The following BICD1 variants were observed in gnomAD, a reference collection of about 807,000 sequenced individuals.
BICD1 encodes BICD cargo adaptor 1.
BICD1 carries 35 observed loss-of-function variants against 92.5 expected under a neutral mutation model. The ratio of observed to expected loss-of-function variants is 0.38; its 90% confidence interval spans 0.29 to 0.50. BICD1 has a LOEUF of 0.50. Among genes scored for constraint, BICD1 ranks in the 20% least tolerant of loss-of-function variants. The probability of loss-of-function intolerance (pLI) is 0.93; values close to 1 mark genes in which losing one functional copy is unlikely to be tolerated. For missense variants in BICD1, 950 were observed against 1,189.8 expected (o/e 0.80, Z 2.97); for synonymous variants, 429 against 465.1 (o/e 0.92, Z 1.00).
intron 1 of BICD1, among the ~76,000 whole-genome samples, chr12:32,112,998 G>A (rs1346983654): frequency 6.6e-6 from 1 of 152,154 alleles, no homozygotes; most frequent in Non-Finnish European, 1.5e-5. Flanking sequence ...GAGAGGTTTA[G>A]GTCTCTTCCC....
chr12:32,242,596 T>C (rs1428736719), intron 2 of BICD1, among the ~76,000 whole-genome samples: 2 of 152,206 alleles, frequency 1.3e-5, no homozygotes, highest in African/African-American at 4.8e-5. Flanking sequence ...TCTTACAAGT[T>C]TATTACCTAA....
intron 3 of BICD1, among the ~76,000 whole-genome samples, chr12:32,298,225 A>G (rs1300349652): frequency 6.6e-6 from 1 of 151,624 alleles, no homozygotes; most frequent in African/African-American, 2.4e-5. Flanking sequence ...ATTCAGTCAC[A>G]CTTCTAATAT....
chr12:32,337,720 C>T lies in BICD1; in HGVS notation c.2474C>T (p.Ala825Val). The change falls in exon 7 of 10, where the codon GCA (alanine) becomes GTA (valine). Residue 825 changes from alanine to valine, a missense_variant. Transcript: ENST00000652176. This position sits in a 1 kb window ranked among gnomAD's most constrained non-coding sequence, Gnocchi z 4.7. ...KIGSPKVSGE[A>V]SVTVPTIDTY... ...GGCAGCCCTAAAGTAAGTGGGGAGG[C>T]ATCAGTCACCGTGCCCACCATAGAC... The T allele has an allele frequency of 6.2e-7, 1 of 1,614,158 alleles. No individual in the cohort carries two copies.
At chr12:32,265,718 T>TA (rs35399036) in intron 2 of BICD1, among the ~76,000 whole-genome samples, 10,533 of 140,736 alleles carry the variant, frequency 0.075, 428 homozygotes, top group Middle Eastern at 0.12. Flanking sequence ...AGATCCTATT[T>TA]AAAAAAAAAA....
intron 2 of BICD1, among the ~76,000 whole-genome samples, chr12:32,269,146 ATT>A (rs202063761): frequency 1.3e-5 from 2 of 149,538 alleles, no homozygotes; most frequent in Admixed American, 1.3e-4. Context: ...CAGCTGCATT[ATT>A]TTTTTTTTAT....
In BICD1 at chr12:32,327,495, T is replaced by C; in HGVS notation, c.1040T>C (p.Leu347Pro). 1 of 1,611,718 alleles carries C rather than the reference T, an allele frequency of 6.2e-7. No homozygotes were observed. The highest frequency in any genetic ancestry group is 8.5e-7 in the Non-Finnish European group (1 of 1,178,688). ...GAAAAGGCCATTCTTTTGGCCAACC[T>C]ACAGGAGTCACAGACACAGCTGGAA... ...EREKAILLANLQESQTQLEHT... is the reference protein window; with the variant it reads ...EREKAILLANPQESQTQLEHT... The change falls in exon 5 of 10, where the codon CTA (leucine) becomes CCA (proline). Residue 347 changes from leucine (L) to proline (P), a missense_variant. Transcript: ENST00000652176.
chr12:32,212,836 T>C (rs1311819538), intron 1 of BICD1, among the ~76,000 whole-genome samples: 2 of 152,248 alleles, frequency 1.3e-5, no homozygotes, highest in Non-Finnish European at 2.9e-5. Context: ...TATGTTCTTA[T>C]ATAACTCTGT....
At chr12:32,212,028 A>G (rs1945229908) in intron 1 of BICD1, among the ~76,000 whole-genome samples, 1 of 152,196 alleles carries the variant, frequency 6.6e-6, no homozygotes, top group Admixed American at 6.5e-5. Context: ...TGACTACTCA[A>G]ATAAGAATTT....
At chr12:32,212,101 T>C (rs1436973831) in intron 1 of BICD1, among the ~76,000 whole-genome samples, 1 of 152,234 alleles carries the variant, frequency 6.6e-6, no homozygotes, top group Admixed American at 6.5e-5. Context: ...CAGATGGACA[T>C]CGATACTGGA....
intron 1 of BICD1, among the ~76,000 whole-genome samples, chr12:32,142,490 T>TATCTATCTATCTATCTATC (rs1259189983): frequency 1.1e-5 from 1 of 90,784 alleles, no homozygotes; most frequent in Non-Finnish European, 2.3e-5. Flanking sequence ...ATCTATCTAT[T>TATCTATCTATCTATCTATC]GGTCTATCTA....
intron 2 of BICD1, among the ~76,000 whole-genome samples, chr12:32,268,198 T>C (rs1461923421): frequency 6.6e-6 from 1 of 152,104 alleles, no homozygotes; most frequent in Non-Finnish European, 1.5e-5. Context: ...TTTGCAAGGG[T>C]TGTTTGTCTT....
rs5797459 is a variant in BICD1, at chr12:32,168,961, TCAAACAAA to T, written c.214-47272_214-47265del. 3.9e-5 allele frequency among the ~76,000 whole-genome samples: 6 copies of T among 151,906 alleles called. 1 individual carries two copies. Among genetic ancestry groups the T allele is most frequent in the African/African-American group, 1.2e-4 (5 of 41,440 alleles). ...TGGGCAACAAGAGCGAAACTTCATC[TCAAACAAA>T]CAAACAAACAAACCCAAAATTGACC... On this transcript the variant is annotated intron_variant, in intron 1 of 9. Coordinates refer to ENST00000652176, the MANE Select transcript of BICD1 (RefSeq NM_001714.4).
intron 1 of BICD1, among the ~76,000 whole-genome samples, chr12:32,177,639 G>C (rs1254653639): frequency 8.0e-6 from 1 of 125,134 alleles, no homozygotes; most frequent in African/African-American, 3.1e-5. Context: ...GAGGTGTAGA[G>C]GGTTGAGTTT....
chr12:32,157,063 C>T (rs1001130564), intron 1 of BICD1, among the ~76,000 whole-genome samples: 3 of 151,916 alleles, frequency 2.0e-5, no homozygotes, highest in Non-Finnish European at 4.4e-5. Context: ...TACATGTGCT[C>T]GTTATTATTT....
At chr12:32,308,573 T>G (rs1400253064) in intron 4 of BICD1, among the ~76,000 whole-genome samples, 1 of 152,202 alleles carries the variant, frequency 6.6e-6, no homozygotes, top group African/African-American at 2.4e-5. Context: ...CACTTTATAA[T>G]AATTTAGATA....
intron 1 of BICD1, among the ~76,000 whole-genome samples, chr12:32,207,614 A>C (rs1447446330): frequency 6.6e-6 from 1 of 152,214 alleles, no homozygotes; most frequent in African/African-American, 2.4e-5. Flanking sequence ...AAAATTGGTA[A>C]TTAGATATTC....
intron 2 of BICD1, among the ~76,000 whole-genome samples, chr12:32,225,621 G>GTTTT (rs58895470): frequency 5.4e-5 from 5 of 92,772 alleles, no homozygotes; most frequent in African/African-American, 1.1e-4. Flanking sequence ...CTTTTTTTCT[G>GTTTT]TTTTTTTTTT....
chr12:32,215,115 G>C (rs1245935736), intron 1 of BICD1, among the ~76,000 whole-genome samples: 1 of 152,168 alleles, frequency 6.6e-6, no homozygotes, highest in Non-Finnish European at 1.5e-5. Flanking sequence ...TGTAATCCCA[G>C]CTACATGGGA....
intron 8 of BICD1, among the ~76,000 whole-genome samples, chr12:32,357,012 CTTTTT>C (rs35643247): frequency 1.5e-5 from 2 of 129,572 alleles, no homozygotes; most frequent in Non-Finnish European, 1.6e-5. Flanking sequence ...GATTCTCCTG[CTTTTT>C]TTTTTTTTTT....
Sources: gnomAD v4.1 joint callset for allele counts (sites outside exome capture counted in the v4.1 genomes callset) on GRCh38, gnomAD v4.1.1 for gene constraint, Gnocchi (gnomAD v3.1) non-coding constraint, MANE v1.5 for transcripts, NCBI Gene and HGNC (gene_info 2026-07-23, HGNC 2026-07-21) for gene names.